The following ITSN1 variants were observed in gnomAD, a reference collection of about 807,000 sequenced individuals.
ITSN1 encodes intersectin 1, also known as intersectin-1.
A neutral mutation model predicts 239.8 loss-of-function variants in ITSN1; 58 were observed. The ratio of observed to expected loss-of-function variants is 0.24; its 90% CI spans 0.20 to 0.30. The LOEUF (loss-of-function observed/expected upper bound fraction) is 0.30. Ranked by LOEUF, ITSN1 falls within the 10% of genes least tolerant of loss-of-function variation. ITSN1 has a pLI of 1.00. For synonymous variants in ITSN1, 780 were observed against 770.8 expected, an observed-to-expected ratio of 1.01 and a Z score of -0.20; for missense variants, 1,558 against 2,103.3, an observed-to-expected ratio of 0.74 and a Z score of 5.07.
At chr21:33,747,806 G>T (rs2067273714) in intron 5 of ITSN1, among the ~76,000 whole-genome samples, 1 of 152,114 alleles carries the variant, frequency 6.6e-6, no homozygotes, top group South Asian at 2.1e-4. Context: ...ATTGCTACTA[G>T]ACCTACCTTA....
intron 1 of ITSN1, among the ~76,000 whole-genome samples, chr21:33,655,358 A>G (rs894655095): frequency 1.3e-5 from 2 of 152,174 alleles, no homozygotes; most frequent in Admixed American, 1.3e-4. Flanking sequence ...AGTGTACAGT[A>G]TTATGTGCAT....
chr21:33,662,388 C>A (rs962661820), intron 1 of ITSN1, among the ~76,000 whole-genome samples: 2 of 152,164 alleles, frequency 1.3e-5, no homozygotes, highest in Admixed American at 6.5e-5. Flanking sequence ...CATTTTACAT[C>A]CCTCTTGTGA....
intron 27 of ITSN1, among the ~76,000 whole-genome samples, chr21:33,830,774 A>G (rs1190662934): frequency 1.3e-5 from 2 of 152,150 alleles, no homozygotes; most frequent in Non-Finnish European, 2.9e-5. Context: ...CAATAACTGT[A>G]CTGTGGTTAT....
At chr21:33,770,479 A>G (rs1015001041) in intron 11 of ITSN1, among the ~76,000 whole-genome samples, 3 of 152,296 alleles carry the variant, frequency 2.0e-5, no homozygotes, top group South Asian at 2.1e-4. Context: ...CCTAACAATG[A>G]CATTTAGTGC....
chr21:33,731,178 T>C (rs952664165), intron 4 of ITSN1, among the ~76,000 whole-genome samples: 1 of 152,190 alleles, frequency 6.6e-6, no homozygotes. Flanking sequence ...TCCTCACCCA[T>C]GAAAACACTT....
chr21:33,823,375 T>C lies in ITSN1; in HGVS notation c.3017-112T>C. 4.2e-6 allele frequency: 4 copies of C among 949,018 alleles called. No individual in the cohort carries two copies. In the East Asian group the frequency reaches 9.7e-5, roughly 23 times the overall value. 58.8% of individuals were successfully genotyped at this position (949,018 alleles called of 1,614,324 possible). The stretch of plus-strand genomic sequence containing the variant: ...ATTTTATCTGTGACTAGCCTTTCTC[T>C]TGAATGGATCTTGTCCTAACTTCCT... On this transcript the variant is annotated intron_variant, in intron 24 of 39. Coordinates refer to ENST00000381318, the MANE Select transcript of ITSN1 (RefSeq NM_003024.3).
At chr21:33,795,012 C>T (rs951350893) in intron 17 of ITSN1, among the ~76,000 whole-genome samples, 2 of 152,212 alleles carry the variant, frequency 1.3e-5, no homozygotes, top group Non-Finnish European at 2.9e-5. Context: ...TTACTTGTAA[C>T]TTACTGTAGT....
At chr21:33,780,791 C>T (rs1354089659) in intron 14 of ITSN1, among the ~76,000 whole-genome samples, 3 of 152,162 alleles carry the variant, frequency 2.0e-5, no homozygotes, top group Non-Finnish European at 4.4e-5. Context: ...ATATTTTCGG[C>T]TAAATTTAAG....
In ITSN1 at chr21:33,896,943, C is replaced by T. The variant is rs1986817387; in HGVS notation, c.*8643C>T. 6.6e-6 allele frequency: 1 copy of T among 152,218 alleles called. No individual in the cohort carries two copies. Among genetic ancestry groups the T allele is most frequent in the South Asian group, 2.1e-4 (1 of 4,832 alleles). The allele number at this position is 152,218 out of a possible 1,614,324, so 9.4% of individuals were successfully genotyped here. On this transcript the variant is annotated 3_prime_UTR_variant, in exon 40 of 40. Coordinates refer to ENST00000381318, the MANE Select transcript of ITSN1 (RefSeq NM_003024.3). ...GATTTGATTGAGTCACCTTGAATGA[C>T]ATAACAAATTATGGCTTTGTTTTCA...
intron 26 of ITSN1, 95 bp from the exon 27 acceptor site, chr21:33,829,529 G>A (rs2074169410): frequency 7.5e-7 from 1 of 1,338,332 alleles, no homozygotes; most frequent in Non-Finnish European, 1.0e-6. Flanking sequence ...GTTTTGATGT[G>A]TTCATCTGTG....
chr21:33,646,882 A>G (rs192139568), intron 1 of ITSN1, among the ~76,000 whole-genome samples: 1 of 152,264 alleles, frequency 6.6e-6, no homozygotes, highest in East Asian at 1.9e-4. Flanking sequence ...GCTACTTCGG[A>G]GGCTGAGGTG....
intron 1 of ITSN1, among the ~76,000 whole-genome samples, chr21:33,704,112 T>C (rs1284626257): frequency 6.6e-6 from 1 of 152,224 alleles, no homozygotes; most frequent in Admixed American, 6.5e-5. Context: ...GTTCACTTTT[T>C]TCTTTTCTTA....
Position 33,860,333 on chromosome 21 carries a change from G to A in ITSN1, c.3890+1541G>A, listed in dbSNP as rs907140674. On this transcript the variant is annotated intron_variant, in intron 31 of 39. Coordinates refer to ENST00000381318, the MANE Select transcript of ITSN1 (RefSeq NM_003024.3). ...AAAAAAAGAAAAAAAAAAAAAAAAAGAAAAGAAAATATACCTGTAAGTTAA... is the reference window on the plus strand; with the variant it reads ...AAAAAAAGAAAAAAAAAAAAAAAAAAAAAAGAAAATATACCTGTAAGTTAA... 6.9e-3 allele frequency among the ~76,000 whole-genome samples: 1,010 copies of A among 146,376 alleles called. 9 individuals are homozygous for A. The highest frequency in any genetic ancestry group is 0.034 in the East Asian group (170 of 5,042).
rs753036054 is a variant in ITSN1, at chr21:33,886,353, A to G, written c.4910A>G (p.Asp1637Gly). 1 of 1,614,056 alleles carries G rather than the reference A, an allele frequency of 6.2e-7. No individual in the cohort carries two copies. The highest frequency in any genetic ancestry group is 8.5e-7 in the Non-Finnish European group (1 of 1,179,992). The stretch of plus-strand genomic sequence containing the variant: ...TGCCACATCACCAAGACGATCCAGG[A>G]CACTCTGAACCCCAAGTGGAATTCC... ...SQCHITKTIQ[D>G]TLNPKWNSNC... Residue 1637 changes from aspartate to glycine, a missense_variant, in exon 39 of 40, where the codon GAC becomes GGC. Coordinates refer to ENST00000381318, the MANE Select transcript of ITSN1 (RefSeq NM_003024.3).
Position 33,896,730 on chromosome 21 carries a change from T to G in ITSN1, c.*8430T>G, listed in dbSNP as rs1986804756. 6.6e-6 allele frequency: 1 copy of G among 152,284 alleles called. No homozygotes were observed. The allele number at this position is 152,284 out of a possible 1,614,324, so 9.4% of individuals were successfully genotyped here. ...GAAGCTGGGCTTCCTGTTGTTGCTT[T>G]CTTTCACGAGCTTTTACTTTTCCTG... On this transcript the variant is annotated 3_prime_UTR_variant, in exon 40 of 40. Transcript: ENST00000381318.
intron 4 of ITSN1, among the ~76,000 whole-genome samples, chr21:33,724,800 A>T (rs1334977856): frequency 6.6e-6 from 1 of 151,772 alleles, no homozygotes; most frequent in Non-Finnish European, 1.5e-5. Flanking sequence ...AATAAAATAC[A>T]CTCTAATGAA....
chr21:33,677,421 G>A (rs903943094), intron 1 of ITSN1, among the ~76,000 whole-genome samples: 1 of 151,044 alleles, frequency 6.6e-6, no homozygotes, highest in Non-Finnish European at 1.5e-5. Context: ...CTCACTGCAA[G>A]CCTCGCCTCC....
At chr21:33,781,861 A>G in intron 15 of ITSN1, 133 bp from the exon 16 acceptor site, 1 of 842,538 alleles carries the variant, frequency 1.2e-6, no homozygotes, top group Non-Finnish European at 1.8e-6. Flanking sequence ...TTACAGGTGT[A>G]GGCCACCGCA....
At chr21:33,644,733 G>C (rs2087772561) in intron 1 of ITSN1, among the ~76,000 whole-genome samples, 2 of 150,106 alleles carry the variant, frequency 1.3e-5, no homozygotes, top group Non-Finnish European at 3.0e-5. Context: ...TAGAACCTCT[G>C]CTCAAGTTTA....
Sources: allele counts gnomAD v4.1 joint callset (sites outside exome capture counted in the v4.1 genomes callset), GRCh38; gene constraint gnomAD v4.1.1; transcripts MANE v1.5; gene names NCBI Gene and HGNC (gene_info 2026-07-23, HGNC 2026-07-21).